CWC27: variants seen among roughly 807,000 people sequenced by gnomAD.
CWC27 encodes the protein CWC27 spliceosome associated cyclophilin.
In CWC27, 47 loss-of-function variants were observed where a neutral mutation model predicts 63.6. The observed-to-expected ratio is 0.74, with a 90% CI of 0.58 to 0.94. The LOEUF (loss-of-function observed/expected upper bound fraction) is 0.94. CWC27 is among the 40% of genes least tolerant of loss of function. The pLI, the probability that CWC27 is intolerant of heterozygous loss-of-function variation, is 0.00. For synonymous variants in CWC27, 175 were observed against 179.8 expected (o/e 0.97, Z 0.22); for missense variants, 495 against 554.3 (o/e 0.89, Z 1.07).
At chr5:64,977,108 A>G in intron 12 of CWC27, 27 bp from the exon 13 acceptor site, 1 of 1,325,524 alleles carries the variant, frequency 7.5e-7, no homozygotes, top group South Asian at 1.5e-5. Context: ...TTTATCAGAA[A>G]ACTTAGCAGT....
intron 11 of CWC27, among the ~76,000 whole-genome samples, chr5:64,912,242 T>A (rs991845255): frequency 6.6e-6 from 1 of 151,940 alleles, no homozygotes; most frequent in Non-Finnish European, 1.5e-5. Flanking sequence ...GAAAATAATA[T>A]CCTAAGCATC....
intron 13 of CWC27, among the ~76,000 whole-genome samples, chr5:65,016,877 A>G (rs541949155): frequency 7.9e-5 from 12 of 152,290 alleles, no homozygotes; most frequent in African/African-American, 2.9e-4. Flanking sequence ...GGGGGAAAAG[A>G]TATTAGCATC....
At chr5:64,827,759 T>G (rs76636017) in intron 10 of CWC27, among the ~76,000 whole-genome samples, 4,182 of 152,250 alleles carry the variant, frequency 0.027, 198 homozygotes, top group African/African-American at 0.095. Context: ...AGTCGACCTA[T>G]ATCCATGGTT....
chr5:64,804,099 C>G, intron 9 of CWC27, 130 bp from the exon 10 acceptor site: 1 of 831,146 alleles, frequency 1.2e-6, no homozygotes, highest in Non-Finnish European at 1.7e-6. Flanking sequence ...TAATTCAAAA[C>G]AAAAGAAAAC....
chr5:64,885,660 T>C, intron 11 of CWC27, 114 bp downstream of exon 11: 3 of 741,296 alleles, frequency 4.0e-6, no homozygotes, highest in Non-Finnish European at 6.7e-6. Context: ...TCCTTCTCAT[T>C]TTTTCTTCCC....
At chr5:64,957,546 G>A (rs1040706253) in intron 11 of CWC27, among the ~76,000 whole-genome samples, 1 of 152,162 alleles carries the variant, frequency 6.6e-6, no homozygotes. Context: ...TAGGTAGAAA[G>A]CTGGAGCCCC....
chr5:64,990,239 TG>T (rs1235896680), intron 13 of CWC27, among the ~76,000 whole-genome samples: 6 of 110,712 alleles, frequency 5.4e-5, no homozygotes, highest in African/African-American at 1.1e-4. Flanking sequence ...AGTTTTTATT[TG>T]TTTTTTTTTT....
At chr5:64,820,222 A>G (rs1745155488) in intron 10 of CWC27, among the ~76,000 whole-genome samples, 1 of 152,218 alleles carries the variant, frequency 6.6e-6, no homozygotes, top group Non-Finnish European at 1.5e-5. Flanking sequence ...AAAACCTTAC[A>G]AAGCTGTAAA....
intron 11 of CWC27, among the ~76,000 whole-genome samples, chr5:64,913,839 C>T (rs956143694): frequency 6.6e-6 from 1 of 151,868 alleles, no homozygotes; most frequent in Non-Finnish European, 1.5e-5. Context: ...ACCTGATAAG[C>T]TTATTGTAAA....
At chr5:64,971,883 G>C in intron 12 of CWC27, 71 bp downstream of exon 12, 1 of 902,330 alleles carries the variant, frequency 1.1e-6, no homozygotes, top group Non-Finnish European at 1.7e-6. Flanking sequence ...TCTAAATGGA[G>C]CCTAATTTGA....
At chr5:64,996,700 T>C (rs1438067103) in intron 13 of CWC27, among the ~76,000 whole-genome samples, 3 of 152,168 alleles carry the variant, frequency 2.0e-5, no homozygotes, top group Non-Finnish European at 2.9e-5. Context: ...TTGATTCCAT[T>C]TGTTTTTGAA....
chr5:64,981,041 G>A (rs563621672), intron 13 of CWC27, among the ~76,000 whole-genome samples: 9 of 152,042 alleles, frequency 5.9e-5, no homozygotes, highest in South Asian at 2.1e-4. Context: ...GCAGTGAGCC[G>A]AGCTCATGCC....
At chr5:64,841,070 G>A (rs1745821778) in intron 10 of CWC27, among the ~76,000 whole-genome samples, 1 of 152,166 alleles carries the variant, frequency 6.6e-6, no homozygotes, top group South Asian at 2.1e-4. Context: ...ATTTTCTGCT[G>A]CTATAACAGA....
chr5:64,851,930 T>C (rs930420760), intron 10 of CWC27, among the ~76,000 whole-genome samples: 19 of 148,976 alleles, frequency 1.3e-4, no homozygotes, highest in African/African-American at 4.9e-4. Context: ...GTGAGAATTC[T>C]AACTCTTTTA....
At chr5:64,975,089 A>G (rs148265575) in intron 12 of CWC27, among the ~76,000 whole-genome samples, 247 of 152,366 alleles carry the variant, frequency 1.6e-3, no homozygotes, top group Non-Finnish European at 2.5e-3. Context: ...CTCATTCAGT[A>G]GCTATGATAA....
intron 10 of CWC27, among the ~76,000 whole-genome samples, chr5:64,857,059 A>T (rs891049741): frequency 1.3e-5 from 2 of 152,210 alleles, no homozygotes; most frequent in Non-Finnish European, 2.9e-5. Flanking sequence ...CTGAAAAGGT[A>T]CCATATTGGA....
chr5:64,863,348 C>T (rs1746456553), intron 10 of CWC27, among the ~76,000 whole-genome samples: 1 of 152,062 alleles, frequency 6.6e-6, no homozygotes, highest in African/African-American at 2.4e-5. Flanking sequence ...ACTTACCTCT[C>T]TTTTACTCAA....
Position 64,788,996 on chromosome 5 carries a change from G to A in CWC27, c.645G>A (p.Glu215=). 6.2e-7 allele frequency: 1 copy of A among 1,604,100 alleles called. No individual in the cohort carries two copies. The highest frequency in any genetic ancestry group is 2.2e-5 in the East Asian group (1 of 44,614). Residue 215 remains glutamate (E), a synonymous_variant, in exon 7 of 14, where the codon GAG becomes GAA. Coordinates refer to ENST00000381070, the MANE Select transcript of CWC27 (RefSeq NM_005869.4). ...TTGGAGAGGAAGCTGAGGAAGAAGAGGAGGAAGTAAATCGAGTTAGTCAGG... is the reference window on the plus strand; with the variant it reads ...TTGGAGAGGAAGCTGAGGAAGAAGAAGAGGAAGTAAATCGAGTTAGTCAGG... ...LSFGEEAEEE[E]EEVNRVSQSM...
At chr5:64,799,990 T>C (rs1166189197) in intron 7 of CWC27, among the ~76,000 whole-genome samples, 2 of 152,152 alleles carry the variant, frequency 1.3e-5, no homozygotes, top group African/African-American at 2.4e-5. Context: ...ATTTAGTGCT[T>C]CAAGTTGGTA....
Sources: gnomAD v4.1 joint callset for allele counts (sites outside exome capture counted in the v4.1 genomes callset) on GRCh38, gnomAD v4.1.1 for gene constraint, MANE v1.5 for transcripts, NCBI Gene and HGNC (gene_info 2026-07-23, HGNC 2026-07-21) for gene names.